ROS1: variants seen among roughly 807,000 people sequenced by gnomAD.
ROS1 encodes the protein ROS proto-oncogene 1, receptor tyrosine kinase.
Under a neutral mutation model 273.5 loss-of-function variants are expected in ROS1, and 263 were observed. That is an observed-to-expected ratio of 0.96 (90% confidence interval 0.87 to 1.06). ROS1 has a LOEUF of 1.06. Ranked by LOEUF, ROS1 falls within the 50% of genes least tolerant of loss-of-function variation. The probability of loss-of-function intolerance (pLI) is 0.00; values close to 1 mark genes in which losing one functional copy is unlikely to be tolerated. For missense variants in ROS1, 2,833 were observed against 2,751.1 expected (o/e 1.03, Z -0.67); for synonymous variants, 1,008 against 954.1 (o/e 1.06, Z -1.04).
intron 24 of ROS1, among the ~76,000 whole-genome samples, chr6:117,359,368 C>A (rs1441541713): frequency 6.6e-6 from 1 of 152,134 alleles, no homozygotes; most frequent in East Asian, 1.9e-4. Flanking sequence ...CATGGGAACC[C>A]TATGATGAGG....
Position 117,310,282 on chromosome 6 carries a change from C to G in ROS1, c.6216-1G>C, listed in dbSNP as rs190667369. The G allele has an allele frequency of 6.3e-7, 1 of 1,590,468 alleles. No individual in the cohort carries two copies. Among genetic ancestry groups the G allele is most frequent in the Admixed American group, 1.7e-5 (1 of 58,246 alleles). ...AAGGCAATTTCTAGCTGCCAGATCC[C>G]TGTGGCAGAAGTTATATTTAATAAT... On this transcript the variant is annotated splice_acceptor_variant, in intron 40 of 43. Coordinates refer to ENST00000368507, the MANE Select transcript of ROS1 (RefSeq NM_001378902.1). LOFTEE classifies it high-confidence loss of function.
At chr6:117,293,339 A>G (rs1773975873) in intron 43 of ROS1, among the ~76,000 whole-genome samples, 1 of 152,248 alleles carries the variant, frequency 6.6e-6, no homozygotes, top group South Asian at 2.1e-4. Flanking sequence ...TGGAGAACCT[A>G]CTACAGAATC....
intron 39 of ROS1, among the ~76,000 whole-genome samples, chr6:117,312,014 C>T (rs1775584355): frequency 6.6e-6 from 1 of 152,024 alleles, no homozygotes; most frequent in Non-Finnish European, 1.5e-5. Flanking sequence ...CTGTAGAGTC[C>T]ATTATGAATT....
intron 25 of ROS1, 54 bp from the exon 26 acceptor site, chr6:117,356,969 A>G: frequency 6.9e-7 from 1 of 1,447,008 alleles, no homozygotes; most frequent in South Asian, 1.3e-5. Flanking sequence ...CATCATTTCA[A>G]ATATTGGTTT....
intron 9 of ROS1, among the ~76,000 whole-genome samples, chr6:117,395,561 T>C (rs1373708360): frequency 6.6e-6 from 1 of 152,174 alleles, no homozygotes; most frequent in Non-Finnish European, 1.5e-5. Flanking sequence ...CAAAAATCTT[T>C]TATTAGTTTC....
intron 7 of ROS1, among the ~76,000 whole-genome samples, chr6:117,401,795 CT>C (rs1309476134): frequency 4.3e-5 from 3 of 70,038 alleles, no homozygotes; most frequent in Non-Finnish European, 8.2e-5. Context: ...AAATAACAAA[CT>C]TTTCAGTAAA....
At position 117,397,017 on chromosome 6, in the gene ROS1, A is replaced by C. The variant is rs770860620; in HGVS notation, c.704T>G (p.Leu235Trp). The C allele has an allele frequency of 6.2e-7, 1 of 1,613,892 alleles. No individual in the cohort carries two copies. The highest frequency in any genetic ancestry group is 8.5e-7 in the Non-Finnish European group (1 of 1,179,774). The stretch of plus-strand genomic sequence containing the variant: ...GCTGATCAGCCTTAAGTTATAACCC[A>C]AAATAGGTCCACCTGGGAATTGAGG... The part of the protein sequence containing the change: ...DPPQFPGGPI[L>W]GYNLRLISKN... Residue 235 changes from leucine (L) to tryptophan (W), a missense_variant, in exon 8 of 44, where the codon TTG (leucine) becomes TGG (tryptophan). Transcript: ENST00000368507.
chr6:117,328,938 T>C (rs568119758), intron 33 of ROS1: 16 of 601,926 alleles, frequency 2.7e-5, no homozygotes, highest in Admixed American at 2.4e-4. Context: ...TTCATCACCA[T>C]TTCTCACTAG....
At chr6:117,333,946 G>T (rs931974257) in intron 32 of ROS1, among the ~76,000 whole-genome samples, 1 of 152,116 alleles carries the variant, frequency 6.6e-6, no homozygotes, top group Non-Finnish European at 1.5e-5. Context: ...AGACAAGGGT[G>T]TCCACTCTCA....
In ROS1 at chr6:117,397,053, C is replaced by G. The variant is rs868334441; in HGVS notation, c.668G>C (p.Ser223Thr). Reference protein sequence around the residue: ...ESSSPDTVEVSWDPPQFPGGP... With the variant: ...ESSSPDTVEVTWDPPQFPGGP... ...ACCTGGGAATTGAGGTGGATCCCAG[C>G]TGACTTCCACAGTGTCGGGACTTGA... Residue 223 changes from serine to threonine, a missense_variant, in exon 8 of 44, where the codon AGC (serine) becomes ACC (threonine). Ser to Thr is a moderately conservative substitution (Grantham distance 58). Transcript: ENST00000368507. 2 of 1,613,792 alleles carry G rather than the reference C, an allele frequency of 1.2e-6. No homozygotes were observed. Among genetic ancestry groups the G allele is most frequent in the African/African-American group, 1.3e-5 (1 of 74,920 alleles).
intron 18 of ROS1, among the ~76,000 whole-genome samples, chr6:117,374,327 A>G (rs1399608318): frequency 6.6e-6 from 1 of 152,140 alleles, no homozygotes; most frequent in Non-Finnish European, 1.5e-5. Flanking sequence ...AGAACCCAGA[A>G]ATAAAGCCAA....
intron 26 of ROS1, among the ~76,000 whole-genome samples, chr6:117,355,817 G>A (rs1174675764): frequency 2.0e-5 from 3 of 151,886 alleles, no homozygotes; most frequent in Non-Finnish European, 4.4e-5. Flanking sequence ...CACCATGTTG[G>A]CCAGGCTGGT....
intron 19 of ROS1, 26 bp downstream of exon 19, chr6:117,366,050 G>A (rs372853366): frequency 1.0e-4 from 158 of 1,531,456 alleles, no homozygotes; most frequent in Non-Finnish European, 1.4e-4. Flanking sequence ...TAGTGGAGTA[G>A]GGTAAGCAGG....
Position 117,409,610 on chromosome 6 carries a change from C to T in ROS1, c.288G>A (p.Ala96=), listed in dbSNP as rs149736013. ...GTACTTCCTCTTCATATGCACCTTC[C>T]GCGCTGCTACAGCCAACCTCACACG... The part of the protein sequence containing the change: ...RESCEVGCSS[A]EGAYEEEVLE... Residue 96 remains alanine (A), a synonymous_variant, in exon 5 of 44, where the codon GCG becomes GCA. Coordinates refer to ENST00000368507, the MANE Select transcript of ROS1 (RefSeq NM_001378902.1). The T allele has an allele frequency of 1.5e-5, 25 of 1,613,808 alleles. No homozygotes were observed. The highest frequency in any genetic ancestry group is 2.0e-5 in the Non-Finnish European group (24 of 1,179,914).
chr6:117,375,220 C>T (rs758050010), intron 18 of ROS1, among the ~76,000 whole-genome samples: 3 of 152,160 alleles, frequency 2.0e-5, no homozygotes, highest in Non-Finnish European at 2.9e-5. Flanking sequence ...CATTCTCACT[C>T]ATAAGTGGGA....
chr6:117,299,132 A>G (rs888277410), intron 43 of ROS1, among the ~76,000 whole-genome samples: 2 of 152,188 alleles, frequency 1.3e-5, no homozygotes, highest in South Asian at 4.1e-4. Flanking sequence ...GACTATTAAC[A>G]AGGTTTACTC....
Position 117,389,475 on chromosome 6 carries a change from A to G in ROS1, c.1661T>C (p.Leu554Ser), listed in dbSNP as rs991227380. ...CTGGGAGGATGAGCCAAAGATGACC[A>G]AGTTACCAAACCCAAATTCTTCTAT... Reference protein sequence around the residue: ...SHIEEFGFGNLVIFGSSSQLH... With the variant: ...SHIEEFGFGNSVIFGSSSQLH... The change falls in exon 13 of 44, where the codon TTG becomes TCG. Residue 554 changes from leucine to serine, a missense_variant. By Grantham distance (145) the Leu-to-Ser change is moderately radical (BLOSUM62 -2). Coordinates refer to ENST00000368507, the MANE Select transcript of ROS1 (RefSeq NM_001378902.1). The G allele has an allele frequency of 1.2e-6, 2 of 1,614,192 alleles. No individual in the cohort carries two copies. The highest frequency in any genetic ancestry group is 1.7e-6 in the Non-Finnish European group (2 of 1,180,024).
intron 43 of ROS1, 61 bp downstream of exon 43, chr6:117,300,913 T>C: frequency 7.5e-7 from 1 of 1,339,338 alleles, no homozygotes; most frequent in Non-Finnish European, 9.9e-7. Flanking sequence ...TACATTCCAT[T>C]TTAACTTTGT....
chr6:117,304,042 T>C (rs931739464), intron 42 of ROS1, among the ~76,000 whole-genome samples: 6 of 152,172 alleles, frequency 3.9e-5, no homozygotes, highest in Admixed American at 2.6e-4. Context: ...GGAAAACCAA[T>C]ATTGGACTGT....
Sources: allele counts gnomAD v4.1 joint callset (sites outside exome capture counted in the v4.1 genomes callset), GRCh38; gene constraint gnomAD v4.1.1; transcripts MANE v1.5; gene names NCBI Gene and HGNC (gene_info 2026-07-23, HGNC 2026-07-21).